REEP5: variants seen among roughly 807,000 people sequenced by gnomAD.
REEP5 encodes receptor expression-enhancing protein 5.
In REEP5, 24 loss-of-function variants were observed where a neutral mutation model predicts 22.4. The observed-to-expected ratio is 1.07, with a 90% confidence interval of 0.78 to 1.51. The LOEUF (loss-of-function observed/expected upper bound fraction) is 1.51. Among genes scored for constraint, REEP5 ranks in the 40% most tolerant of loss-of-function variants. The pLI, the probability that REEP5 is intolerant of heterozygous loss-of-function variation, is 0.00. For missense variants in REEP5, 252 were observed against 233.0 expected, an observed-to-expected ratio of 1.08 and a Z score of -0.53; for synonymous variants, 103 against 88.6, an observed-to-expected ratio of 1.16 and a Z score of -0.92.
At chr5:112,901,713 G>GAA (rs1348481525) in intron 3 of REEP5, among the ~76,000 whole-genome samples, 2 of 130,636 alleles carry the variant, frequency 1.5e-5, no homozygotes, top group African/African-American at 2.8e-5. Context: ...GTCCATCTCA[G>GAA]AAAAAAAAAA....
intron 2 of REEP5, among the ~76,000 whole-genome samples, chr5:112,917,763 T>C (rs936125295): frequency 1.3e-5 from 2 of 152,202 alleles, no homozygotes; most frequent in Admixed American, 6.5e-5. Flanking sequence ...AAAGGCCATA[T>C]ATTGTATGAT....
chr5:112,912,256 CTA>C (rs1183038031), intron 2 of REEP5, among the ~76,000 whole-genome samples: 1 of 152,104 alleles, frequency 6.6e-6, no homozygotes, highest in Non-Finnish European at 1.5e-5. Context: ...TAGGTACATA[CTA>C]TGTGTTCTGT....
At chr5:112,914,118 G>C (rs978336602) in intron 2 of REEP5, among the ~76,000 whole-genome samples, 1 of 150,878 alleles carries the variant, frequency 6.6e-6, no homozygotes, top group African/African-American at 2.4e-5. Context: ...ACTCAGCCTG[G>C]GTGACAGAGT....
intron 3 of REEP5, chr5:112,895,625 G>T (rs987589234): frequency 1.3e-5 from 2 of 152,106 alleles, no homozygotes; most frequent in Admixed American, 1.3e-4. Context: ...CTGCTCTCTA[G>T]CTACATCCTT....
chr5:112,911,055 G>T (rs1212328383), intron 2 of REEP5, among the ~76,000 whole-genome samples: 1 of 152,166 alleles, frequency 6.6e-6, no homozygotes, highest in African/African-American at 2.4e-5. Context: ...ACGGTAGAAG[G>T]CTTTGGGACA....
intron 3 of REEP5, chr5:112,896,669 C>T (rs1768688832): frequency 6.6e-6 from 1 of 152,160 alleles, no homozygotes; most frequent in Non-Finnish European, 1.5e-5. Flanking sequence ...GGCCTGGTGG[C>T]TCACGCCTGT....
At chr5:112,885,720 A>T (rs1295897091) in intron 4 of REEP5, 1 of 302,586 alleles carries the variant, frequency 3.3e-6, no homozygotes, top group Non-Finnish European at 6.8e-6. Flanking sequence ...GGACATTATC[A>T]GCCAAGCTTG....
intron 2 of REEP5, among the ~76,000 whole-genome samples, chr5:112,911,911 A>C (rs529765593): frequency 7.9e-5 from 12 of 152,328 alleles, no homozygotes; most frequent in Non-Finnish European, 1.6e-4. Context: ...AGGAACAAAA[A>C]ATGAAAGTGA....
intron 2 of REEP5, among the ~76,000 whole-genome samples, chr5:112,913,203 G>C (rs186505845): frequency 6.6e-6 from 1 of 152,116 alleles, no homozygotes; most frequent in African/African-American, 2.4e-5. Flanking sequence ...GCTGAGGCAG[G>C]AGAATCGCTT....
At chr5:112,908,603 G>C (rs1769019358) in intron 2 of REEP5, among the ~76,000 whole-genome samples, 1 of 151,810 alleles carries the variant, frequency 6.6e-6, no homozygotes, top group African/African-American at 2.4e-5. Flanking sequence ...TCGGCTTACT[G>C]CAAGCTCTGC....
At chr5:112,885,553 C>T (rs1768217732) in intron 4 of REEP5, 1 of 245,954 alleles carries the variant, frequency 4.1e-6, no homozygotes, top group Non-Finnish European at 8.7e-6. Flanking sequence ...ACATCAACTA[C>T]CTTCCCAGTA....
intron 3 of REEP5, among the ~76,000 whole-genome samples, chr5:112,898,720 A>G (rs927757159): frequency 2.0e-5 from 3 of 152,226 alleles, no homozygotes; most frequent in Non-Finnish European, 4.4e-5. Context: ...GATTAGATGG[A>G]TCTTATTAAG....
chr5:112,886,379 G>A (rs1478036789), intron 4 of REEP5, among the ~76,000 whole-genome samples: 1 of 152,166 alleles, frequency 6.6e-6, no homozygotes, highest in African/African-American at 2.4e-5. Context: ...TTATGTGAGG[G>A]TGATTAGACA....
At chr5:112,906,144 T>C (rs1365668490) in intron 2 of REEP5, among the ~76,000 whole-genome samples, 6 of 152,178 alleles carry the variant, frequency 3.9e-5, no homozygotes, top group African/African-American at 1.4e-4. Flanking sequence ...GGCCAAGCCA[T>C]AGAATGGAGG....
rs1245843273 is a variant in REEP5 at position 112,876,998 on chromosome 5, C to G, written c.*1788G>C. The G allele has an allele frequency of 6.6e-6, 1 of 152,008 alleles. No homozygotes were observed. The highest frequency in any genetic ancestry group is 1.5e-5 in the Non-Finnish European group (1 of 67,982). The allele number at this position is 152,008 out of a possible 1,614,324, so 9.4% of individuals were successfully genotyped here. On this transcript the variant is annotated 3_prime_UTR_variant, in exon 5 of 5. Coordinates refer to ENST00000379638, the MANE Select transcript of REEP5 (RefSeq NM_005669.5). ...ATGCTAGAAGTTGCTGATTTTCATT[C>G]TGCCACCAAGAAAACTGTACTTTTA...
rs918285997 is a variant in REEP5 at position 112,877,888 on chromosome 5, T to C, written c.*898A>G. 1.3e-5 allele frequency: 2 copies of C among 152,186 alleles called. No individual in the cohort carries two copies. The highest frequency in any genetic ancestry group is 1.9e-4 in the East Asian group (1 of 5,204). 9.4% of individuals were successfully genotyped at this position (152,186 alleles called of 1,614,324 possible). A position where few individuals can be genotyped will look rare whatever the true frequency, so the allele number is the denominator to read the frequency against. ...AAGATAAAACCAGAAATGGTTTCCATTGTAGCATCTTGACAATAGACAAAT... is the reference window on the plus strand; with the variant it reads ...AAGATAAAACCAGAAATGGTTTCCACTGTAGCATCTTGACAATAGACAAAT... On this transcript the variant is annotated 3_prime_UTR_variant, in exon 5 of 5. Transcript: ENST00000379638.
chr5:112,907,100 G>A (rs1561657341), intron 2 of REEP5, among the ~76,000 whole-genome samples: 1 of 152,164 alleles, frequency 6.6e-6, no homozygotes, highest in Non-Finnish European at 1.5e-5. Context: ...AAGATTTCAA[G>A]AACTGCATCT....
At chr5:112,891,729 G>A in intron 3 of REEP5, 5 of 1,614,112 alleles carry the variant, frequency 3.1e-6, no homozygotes, top group Non-Finnish European at 4.2e-6. Flanking sequence ...CCCTGAAGAA[G>A]GAGAAACGAA....
chr5:112,892,038 G>C (rs1360953222), intron 3 of REEP5: 1 of 1,457,352 alleles, frequency 6.9e-7, no homozygotes, highest in Non-Finnish European at 9.6e-7. Flanking sequence ...AACAACAGGA[G>C]AAGAAAGAAA....
Sources: allele counts gnomAD v4.1 joint callset (sites outside exome capture counted in the v4.1 genomes callset), GRCh38; gene constraint gnomAD v4.1.1; transcripts MANE v1.5; gene names NCBI Gene and HGNC (gene_info 2026-07-23, HGNC 2026-07-21).